The following PTPRD variants were observed in gnomAD, a reference collection of about 807,000 sequenced individuals.
The protein encoded by PTPRD is receptor-type tyrosine-protein phosphatase delta.
Under a neutral mutation model 214.5 loss-of-function variants are expected in PTPRD, and 34 were observed. That is an observed-to-expected ratio of 0.16 (90% CI 0.12 to 0.21). The LOEUF is 0.21. Among genes scored for constraint, PTPRD ranks in the 10% least tolerant of loss-of-function variants. The probability of loss-of-function intolerance (pLI) is 1.00; values close to 1 mark genes in which losing one functional copy is unlikely to be tolerated. For missense variants in PTPRD, 2,545 were observed against 2,398.7 expected, an observed-to-expected ratio of 1.06 and a Z score of -1.27; for synonymous variants, 1,128 against 845.7, an observed-to-expected ratio of 1.33 and a Z score of -5.79.
At chr9:8,976,978 G>T (rs1457487790) in intron 11 of PTPRD, among the ~76,000 whole-genome samples, 4 of 151,988 alleles carry the variant, frequency 2.6e-5, no homozygotes, top group Non-Finnish European at 4.4e-5. Flanking sequence ...TACCAAGATG[G>T]CCATTTGGCT....
At chr9:9,261,688 G>A (rs998732634) in intron 9 of PTPRD, among the ~76,000 whole-genome samples, 1 of 151,260 alleles carries the variant, frequency 6.6e-6, no homozygotes, top group African/African-American at 2.4e-5. Context: ...AGGAGGGAGA[G>A]GGGTTGTGAA....
intron 3 of PTPRD, among the ~76,000 whole-genome samples, chr9:10,335,822 G>A (rs898474402): frequency 4.6e-5 from 7 of 151,686 alleles, no homozygotes; most frequent in African/African-American, 1.5e-4. Flanking sequence ...ATATACACAC[G>A]GCAAATAAGC....
intron 2 of PTPRD, among the ~76,000 whole-genome samples, chr9:10,581,315 A>T (rs554723909): frequency 6.6e-6 from 1 of 152,306 alleles, no homozygotes; most frequent in East Asian, 1.9e-4. Flanking sequence ...TTCTAAAGAA[A>T]TATATAAGAA....
At position 9,318,310 on chromosome 9, in the gene PTPRD, C is replaced by A. The variant is rs140932464; in HGVS notation, c.-203+79139G>T. On this transcript the variant is annotated intron_variant, in intron 9 of 45. Transcript: ENST00000381196. ...ACAATTAAAATACATAAATATGAAACCACTTTCCAATGTGCTAGTTAAGAG... is the reference window on the plus strand; with the variant it reads ...ACAATTAAAATACATAAATATGAAAACACTTTCCAATGTGCTAGTTAAGAG... Among the ~76,000 whole-genome samples, 314 of 150,440 alleles carry A rather than the reference C, an allele frequency of 2.1e-3. 2 individuals are homozygous for A. The highest frequency in any genetic ancestry group is 7.2e-3 in the African/African-American group (297 of 41,024).
chr9:10,261,390 G>A (rs1323208727), intron 3 of PTPRD, among the ~76,000 whole-genome samples: 1 of 151,982 alleles, frequency 6.6e-6, no homozygotes, highest in African/African-American at 2.4e-5. Flanking sequence ...TTGAAATTGA[G>A]CTACCCTGGT....
intron 2 of PTPRD, among the ~76,000 whole-genome samples, chr9:10,410,010 A>T (rs1002837253): frequency 7.9e-5 from 12 of 151,688 alleles, no homozygotes; most frequent in Admixed American, 1.3e-4. Context: ...GAAACTGTGT[A>T]ATTAATAAAT....
intron 2 of PTPRD, among the ~76,000 whole-genome samples, chr9:10,507,608 C>A (rs911487974): frequency 6.6e-6 from 1 of 152,010 alleles, no homozygotes; most frequent in Non-Finnish European, 1.5e-5. Context: ...GAGATATAGA[C>A]CAATGGAACG....
intron 7 of PTPRD, among the ~76,000 whole-genome samples, chr9:9,691,167 T>C (rs2097263550): frequency 6.6e-6 from 1 of 151,988 alleles, no homozygotes; most frequent in Admixed American, 6.6e-5. Context: ...ACTCTTTCAG[T>C]GATTGTTAAA....
At chr9:10,114,196 A>C (rs557327151) in intron 3 of PTPRD, among the ~76,000 whole-genome samples, 1 of 152,296 alleles carries the variant, frequency 6.6e-6, no homozygotes, top group African/African-American at 2.4e-5. Flanking sequence ...TTTATCACCC[A>C]CAACCTGGCG....
chr9:10,336,507 T>C (rs1376330829), intron 3 of PTPRD, among the ~76,000 whole-genome samples: 1 of 151,506 alleles, frequency 6.6e-6, no homozygotes, highest in Non-Finnish European at 1.5e-5. Context: ...AGAGCCAGGA[T>C]TAGCAAGCAT....
intron 10 of PTPRD, chr9:9,091,070 T>A: frequency 6.7e-7 from 1 of 1,493,088 alleles, no homozygotes; most frequent in South Asian, 1.1e-5. Flanking sequence ...GAAGCGAGCG[T>A]CTTCGATGCC....
chr9:10,404,408 T>C (rs941149257), intron 2 of PTPRD, among the ~76,000 whole-genome samples: 3 of 151,760 alleles, frequency 2.0e-5, no homozygotes, highest in Non-Finnish European at 2.9e-5. Context: ...TGCAGAGAGA[T>C]AGTCAAGAGT....
chr9:9,231,373 A>G (rs1361997489), intron 9 of PTPRD, among the ~76,000 whole-genome samples: 1 of 152,206 alleles, frequency 6.6e-6, no homozygotes, highest in African/African-American at 2.4e-5. Flanking sequence ...AGAGTATATT[A>G]TTGACTGTGT....
chr9:10,223,596 G>A (rs1383461487), intron 3 of PTPRD, among the ~76,000 whole-genome samples: 4 of 151,174 alleles, frequency 2.6e-5, no homozygotes, highest in African/African-American at 4.9e-5. Flanking sequence ...CTTGGGAGAC[G>A]GAGGTTGCAT....
At chr9:9,224,071 T>C (rs1172425982) in intron 9 of PTPRD, among the ~76,000 whole-genome samples, 1 of 151,968 alleles carries the variant, frequency 6.6e-6, no homozygotes, top group African/African-American at 2.4e-5. Flanking sequence ...GAACATTCTA[T>C]AAAGACTACT....
At chr9:9,671,995 A>G (rs916342624) in intron 7 of PTPRD, among the ~76,000 whole-genome samples, 1 of 152,338 alleles carries the variant, frequency 6.6e-6, no homozygotes, top group East Asian at 1.9e-4. Flanking sequence ...GCTACTGTAC[A>G]TTAAAACATC....
intron 3 of PTPRD, among the ~76,000 whole-genome samples, chr9:10,321,412 C>A (rs941701070): frequency 1.3e-5 from 2 of 151,808 alleles, no homozygotes; most frequent in African/African-American, 4.8e-5. Context: ...GTGCAACAAA[C>A]AGAAAACAGA....
intron 2 of PTPRD, among the ~76,000 whole-genome samples, chr9:10,446,239 GT>G (rs2098798173): frequency 6.6e-6 from 1 of 151,798 alleles, no homozygotes; most frequent in Non-Finnish European, 1.5e-5. Context: ...TTAATAATAT[GT>G]TTTTAAAAAT....
At chr9:9,937,025 T>C (rs1240989619) in intron 5 of PTPRD, among the ~76,000 whole-genome samples, 1 of 151,568 alleles carries the variant, frequency 6.6e-6, no homozygotes, top group East Asian at 1.9e-4. Flanking sequence ...AATTGAACAA[T>C]GAGATCACAT....
Sources: allele counts gnomAD v4.1 joint callset (sites outside exome capture counted in the v4.1 genomes callset), GRCh38; gene constraint gnomAD v4.1.1; transcripts MANE v1.5; gene names NCBI Gene and HGNC (gene_info 2026-07-23, HGNC 2026-07-21).